CARS1: variants seen among roughly 807,000 people sequenced by gnomAD.
CARS1 encodes the protein cysteinyl-tRNA synthetase 1.
CARS1 carries 48 observed loss-of-function variants against 106.2 expected under a neutral mutation model. The ratio of observed to expected loss-of-function variants is 0.45; its 90% CI spans 0.36 to 0.57. The LOEUF (loss-of-function observed/expected upper bound fraction) is 0.57. Among genes scored for constraint, CARS1 ranks in the 20% least tolerant of loss-of-function variants. The probability of loss-of-function intolerance (pLI) is 0.00; values close to 1 mark genes in which losing one functional copy is unlikely to be tolerated. For synonymous variants in CARS1, 409 were observed against 403.4 expected (o/e 1.01, Z -0.17); for missense variants, 968 against 1,057.2 (o/e 0.92, Z 1.17).
Position 3,052,407 on chromosome 11 carries a change from G to T in CARS1, c.26-4406C>A, listed in dbSNP as rs891068589. On this transcript the variant is annotated intron_variant, in intron 1 of 22. Coordinates refer to ENST00000380525, the MANE Select transcript of CARS1 (RefSeq NM_001014437.3). The surrounding 1 kb of genome is among the most constrained non-coding windows in gnomAD (Gnocchi z 4.6). ...CATCATTATTATCATAATCGCTCTG[G>T]TATTATTAATGTTATTGTAATAGCC... Among the ~76,000 whole-genome samples, 1 of 152,186 alleles carries T rather than the reference G, an allele frequency of 6.6e-6. No individual in the cohort carries two copies. Among genetic ancestry groups the T allele is most frequent in the Admixed American group, 6.5e-5 (1 of 15,278 alleles).
rs946495134 is a variant in CARS1 at position 3,050,251 on chromosome 11, G to A, written c.26-2250C>T. On this transcript the variant is annotated intron_variant, in intron 1 of 22. Coordinates refer to ENST00000380525, the MANE Select transcript of CARS1 (RefSeq NM_001014437.3). This position sits in a 1 kb window ranked among gnomAD's most constrained non-coding sequence, Gnocchi z 6.3. ...TCGCTGGTGGGATGACGAGTGCAGC[G>A]TCCCTCTAACTTGCCCTGCTTCCTT... is the stretch of plus-strand genomic sequence containing the variant. Among the ~76,000 whole-genome samples, 14 of 152,078 alleles carry A rather than the reference G, an allele frequency of 9.2e-5. No homozygotes were observed. Among genetic ancestry groups the A allele is most frequent in the Admixed American group, 3.3e-4 (5 of 15,274 alleles).
At chr11:3,011,981 A>C (rs1408483701) in intron 18 of CARS1, among the ~76,000 whole-genome samples, 1 of 152,212 alleles carries the variant, frequency 6.6e-6, no homozygotes, top group Non-Finnish European at 1.5e-5. Flanking sequence ...TCTGCCCTGC[A>C]GGGACATGTG....
In CARS1 at chr11:3,003,370, G is replaced by A. The variant is rs1849569531; in HGVS notation, c.2218-770C>T. 6.6e-6 allele frequency among the ~76,000 whole-genome samples: 1 copy of A among 152,184 alleles called. No homozygotes were observed. The highest frequency in any genetic ancestry group is 1.5e-5 in the Non-Finnish European group (1 of 68,042). On this transcript the variant is annotated intron_variant, in intron 20 of 22. Coordinates refer to ENST00000380525, the MANE Select transcript of CARS1 (RefSeq NM_001014437.3). This position sits in a 1 kb window ranked among gnomAD's most constrained non-coding sequence, Gnocchi z 4.8. The stretch of plus-strand genomic sequence containing the variant: ...CTATCAGGTAGGCACGCCCTCCATG[G>A]CAGGAAGGAGGAACAAGTTTGGGGA...
intron 1 of CARS1, among the ~76,000 whole-genome samples, chr11:3,051,758 T>C (rs1223112669): frequency 6.6e-6 from 1 of 152,152 alleles, no homozygotes; most frequent in Non-Finnish European, 1.5e-5. Flanking sequence ...TCGAAAGCTG[T>C]TCCCCAATGC....
rs1855542486 is a variant in CARS1, at chr11:3,050,409, T to C, written c.26-2408A>G. Among the ~76,000 whole-genome samples the C allele has an allele frequency of 1.3e-5, 2 of 152,088 alleles. No homozygotes were observed. Among genetic ancestry groups the C allele is most frequent in the Non-Finnish European group, 2.9e-5 (2 of 68,000 alleles). On this transcript the variant is annotated intron_variant, in intron 1 of 22. Transcript: ENST00000380525. The surrounding 1 kb of genome is among the most constrained non-coding windows in gnomAD (Gnocchi z 6.3). ...ACTGGAATCACACCCCTTTACAAGTTATCCTTAGGAGCACCCATAGCCAAC... is the reference window on the plus strand; with the variant it reads ...ACTGGAATCACACCCCTTTACAAGTCATCCTTAGGAGCACCCATAGCCAAC...
At chr11:3,035,851 C>A (rs531190695) in intron 7 of CARS1, among the ~76,000 whole-genome samples, 1 of 152,320 alleles carries the variant, frequency 6.6e-6, no homozygotes, top group East Asian at 1.9e-4. Context: ...GTGTCTGCCA[C>A]CTGAGAAAGG....
In CARS1 at chr11:3,017,369, G is replaced by A. The variant is rs1340269647; in HGVS notation, c.1728-74C>T. The A allele has an allele frequency of 1.7e-5, 23 of 1,374,840 alleles. No individual in the cohort carries two copies. In the Admixed American group the frequency reaches 1.8e-4, roughly 10 times the overall value. 85.2% of individuals were successfully genotyped at this position (1,374,840 alleles called of 1,614,324 possible). On this transcript the variant is annotated intron_variant, in intron 15 of 22. Transcript: ENST00000380525. This position sits in a 1 kb window ranked among gnomAD's most constrained non-coding sequence, Gnocchi z 4.9. ...ATAGAAATTCCCCATGTGGCCAGGC[G>A]CAGTGGCTCACGCCTATAATCCCAG...
At chr11:3,018,268 T>A (rs1851239170) in intron 14 of CARS1, 140 bp downstream of exon 14, 1 of 645,874 alleles carries the variant, frequency 1.5e-6, no homozygotes, top group Admixed American at 2.8e-5. Context: ...TTATACCCAC[T>A]AGCATGGAGG....
At chr11:3,024,836 A>G (rs1851898410) in intron 10 of CARS1, among the ~76,000 whole-genome samples, 1 of 152,098 alleles carries the variant, frequency 6.6e-6, no homozygotes, top group Admixed American at 6.6e-5. Context: ...GTTCTTTGAG[A>G]TTTGTGGAAA....
Position 3,026,694 on chromosome 11 carries a change from C to G in CARS1, c.1135G>C (p.Ala379Pro). 6.2e-7 allele frequency: 1 copy of G among 1,613,988 alleles called. No homozygotes were observed. The highest frequency in any genetic ancestry group is 8.5e-7 in the Non-Finnish European group (1 of 1,179,976). The change falls in exon 10 of 23, where the codon GCC becomes CCC. Residue 379 changes from alanine (A) to proline (P), a missense_variant. By Grantham distance (27) the Ala-to-Pro change is conservative. Coordinates refer to ENST00000380525, the MANE Select transcript of CARS1 (RefSeq NM_001014437.3). Reference sequence around the variant, plus strand: ...TCCTCACCTTCCCCTTCTTGAAGGGCTTTCTGATCTCCAACGGCCTCAGGC... The same window carrying G: ...TCCTCACCTTCCCCTTCTTGAAGGGGTTTCTGATCTCCAACGGCCTCAGGC... ...LVPEAVGDQK[A>P]LQEGEGDLSI...
rs143451854 is a variant in CARS1 at position 3,001,268 on chromosome 11, C to A, written c.2362-20G>T. Reference sequence around the variant, plus strand: ...CAGACCCTGAAAACCCAGAGCACAGCGGCTATTGGTCTCCTCTGCACCTGG... The same window carrying A: ...CAGACCCTGAAAACCCAGAGCACAGAGGCTATTGGTCTCCTCTGCACCTGG... On this transcript the variant is annotated intron_variant, in intron 22 of 22. Coordinates refer to ENST00000380525, the MANE Select transcript of CARS1 (RefSeq NM_001014437.3). 4 of 1,611,730 alleles carry A rather than the reference C, an allele frequency of 2.5e-6. No homozygotes were observed. The highest frequency in any genetic ancestry group is 1.3e-5 in the African/African-American group (1 of 74,928).
chr11:3,009,055 G>A (rs1478366773), intron 18 of CARS1: 1 of 152,304 alleles, frequency 6.6e-6, no homozygotes, highest in Non-Finnish European at 1.5e-5. Flanking sequence ...ACCGACCTCT[G>A]GGTCTGGATT....
At position 3,034,660 on chromosome 11, in the gene CARS1, G is replaced by C. The variant is rs543010921; in HGVS notation, c.801+3390C>G. 0.017 allele frequency among the ~76,000 whole-genome samples: 2,638 copies of C among 152,132 alleles called. 75 individuals are homozygous for C. Among genetic ancestry groups the C allele is most frequent in the African/African-American group, 0.06 (2,497 of 41,474 alleles). ...TTCTCCCACCTCAGCCTCCCAAGTA[G>C]CTGGGATTACAGGCACACGCCACAA... On this transcript the variant is annotated intron_variant, in intron 7 of 22. Transcript: ENST00000380525. The surrounding 1 kb of genome is among the most constrained non-coding windows in gnomAD (Gnocchi z 6.3).
In CARS1 at chr11:3,048,241, T is replaced by G. The variant is rs964422228; in HGVS notation, c.26-240A>C. On this transcript the variant is annotated intron_variant, in intron 1 of 22. Coordinates refer to ENST00000380525, the MANE Select transcript of CARS1 (RefSeq NM_001014437.3). The surrounding 1 kb of genome is among the most constrained non-coding windows in gnomAD (Gnocchi z 5.1). Reference sequence around the variant, plus strand: ...TTGGGTGATGAAAATGCTTTGGAACTAGACAGAAATGAAGGCTGCATGACA... The same window carrying G: ...TTGGGTGATGAAAATGCTTTGGAACGAGACAGAAATGAAGGCTGCATGACA... The G allele has an allele frequency of 2.3e-5, 11 of 483,812 alleles. No homozygotes were observed. Among genetic ancestry groups the G allele is most frequent in the Admixed American group, 3.6e-5 (1 of 27,864 alleles). The allele number at this position is 483,812 out of a possible 1,614,324, so 30.0% of individuals were successfully genotyped here. A position where few individuals can be genotyped will look rare whatever the true frequency, so the allele number is the denominator to read the frequency against.
At position 3,054,198 on chromosome 11, in the gene CARS1, G is replaced by A. The variant is rs546925219; in HGVS notation, c.25+3145C>T. 2.6e-5 allele frequency among the ~76,000 whole-genome samples: 4 copies of A among 152,278 alleles called. No homozygotes were observed. The South Asian group carries it at 8.3e-4, about 32-fold the overall frequency. On this transcript the variant is annotated intron_variant, in intron 1 of 22. Transcript: ENST00000380525. ...CCCCGTCCTGATCACCAGCCCCGGA[G>A]GTCCAGCTGCAACTCGTTCACAAAG...
In CARS1 at chr11:3,021,851, G is replaced by C. The variant is rs945624084; in HGVS notation, c.1154-1519C>G. ...ATTCCGCAAAAGCACAATGTGATAT[G>C]GCCCATGACATTCGCTTTTAGATGC... On this transcript the variant is annotated intron_variant, in intron 10 of 22. Coordinates refer to ENST00000380525, the MANE Select transcript of CARS1 (RefSeq NM_001014437.3). This position sits in a 1 kb window ranked among gnomAD's most constrained non-coding sequence, Gnocchi z 5.3. 3.3e-5 allele frequency among the ~76,000 whole-genome samples: 5 copies of C among 152,174 alleles called. No individual in the cohort carries two copies. The highest frequency in any genetic ancestry group is 1.2e-4 in the African/African-American group (5 of 41,430).
rs199639529 is a variant in CARS1, at chr11:3,038,123, T to C, written c.728A>G (p.Gln243Arg). 18 of 1,614,030 alleles carry C rather than the reference T, an allele frequency of 1.1e-5. No individual in the cohort carries two copies. Among genetic ancestry groups the C allele is most frequent in the African/African-American group, 1.3e-5 (1 of 74,944 alleles). ...QMLERIQHAVQLATEPLEKAV... is the reference protein window; with the variant it reads ...QMLERIQHAVRLATEPLEKAV... ...TTTCTCAAGTGGCTCTGTGGCAAGC[T>C]GCACTGCGTGCTGAATCCGTTCGAG... The change falls in exon 7 of 23, where the codon CAG becomes CGG. Residue 243 changes from glutamine to arginine, a missense_variant. Coordinates refer to ENST00000380525, the MANE Select transcript of CARS1 (RefSeq NM_001014437.3). The surrounding 1 kb of genome is among the most constrained non-coding windows in gnomAD (Gnocchi z 4.0).
intron 10 of CARS1, among the ~76,000 whole-genome samples, chr11:3,023,132 T>C (rs1362993130): frequency 6.6e-6 from 1 of 152,146 alleles, no homozygotes; most frequent in Non-Finnish European, 1.5e-5. Context: ...AGACCCTAGA[T>C]GGGGCCAGAT....
At chr11:3,001,284 C>G in intron 22 of CARS1, 36 bp from the exon 23 acceptor site, 1 of 1,608,440 alleles carries the variant, frequency 6.2e-7, no homozygotes, top group Non-Finnish European at 8.5e-7. Context: ...TTGGTCTCCT[C>G]TGCACCTGGG....
Sources: allele counts gnomAD v4.1 joint callset (sites outside exome capture counted in the v4.1 genomes callset), GRCh38; gene constraint gnomAD v4.1.1; non-coding constraint Gnocchi (gnomAD v3.1); transcripts MANE v1.5; gene names NCBI Gene and HGNC (gene_info 2026-07-23, HGNC 2026-07-21).